Variants in IGF2BP2 observed in about 807,000 individuals in gnomAD.
IGF2BP2 encodes the protein insulin-like growth factor 2 mRNA-binding protein 2.
In IGF2BP2, 17 loss-of-function variants were observed where a neutral mutation model predicts 75.8. The observed-to-expected ratio is 0.22, with a 90% CI of 0.15 to 0.34. The LOEUF is 0.34. Ranked by LOEUF, IGF2BP2 falls within the 10% of genes least tolerant of loss-of-function variation. The pLI, the probability that IGF2BP2 is intolerant of heterozygous loss-of-function variation, is 1.00. For missense variants in IGF2BP2, 516 were observed against 772.4 expected (o/e 0.67, Z 3.93); for synonymous variants, 288 against 295.6 (o/e 0.97, Z 0.26).
chr3:185,711,281 T>C lies in IGF2BP2; in HGVS notation c.240-12934A>G, dbSNP rs1201269549. Among the ~76,000 whole-genome samples the C allele has an allele frequency of 2.6e-5, 4 of 152,220 alleles. No homozygotes were observed. In the South Asian group the frequency reaches 6.2e-4, roughly 24 times the overall value. Reference sequence around the variant, plus strand: ...ATAGAAATCCAAGATTTCTGACCTGTATCTTTCCTGAACTATGCAAATCCT... The same window carrying C: ...ATAGAAATCCAAGATTTCTGACCTGCATCTTTCCTGAACTATGCAAATCCT... On this transcript the variant is annotated intron_variant, in intron 2 of 15. Coordinates refer to ENST00000382199, the MANE Select transcript of IGF2BP2 (RefSeq NM_006548.6).
At chr3:185,664,776 A>C (rs1717020975) in intron 10 of IGF2BP2, among the ~76,000 whole-genome samples, 1 of 152,080 alleles carries the variant, frequency 6.6e-6, no homozygotes, top group African/African-American at 2.4e-5. Flanking sequence ...GACAGACACA[A>C]AGAGTAGAGT....
rs114352678 is a variant in IGF2BP2, at chr3:185,779,519, C to A, written c.239+43634G>T. On this transcript the variant is annotated intron_variant, in intron 2 of 15. Transcript: ENST00000382199. ...ATGAGTTAATACATGGGCACACACACCCATAAAATAACTTCCACACAATGC... is the reference window on the plus strand; with the variant it reads ...ATGAGTTAATACATGGGCACACACAACCATAAAATAACTTCCACACAATGC... Among the ~76,000 whole-genome samples the A allele has an allele frequency of 9.1e-3, 1,392 of 152,242 alleles. 10 individuals carry two copies. The highest frequency in any genetic ancestry group is 0.015 in the Non-Finnish European group (1,034 of 68,016).
intron 12 of IGF2BP2, among the ~76,000 whole-genome samples, chr3:185,657,055 G>C (rs1328140707): frequency 1.3e-5 from 2 of 152,200 alleles, no homozygotes; most frequent in East Asian, 3.8e-4. Context: ...AAAAGGACTG[G>C]GTTGGGTTGT....
chr3:185,738,579 C>T (rs1326646883), intron 2 of IGF2BP2, among the ~76,000 whole-genome samples: 16 of 152,156 alleles, frequency 1.1e-4, no homozygotes, highest in Admixed American at 9.8e-4. Flanking sequence ...TTGGTCTTTG[C>T]AGCCACTACC....
At chr3:185,759,937 T>C (rs1732132237) in intron 2 of IGF2BP2, among the ~76,000 whole-genome samples, 1 of 152,212 alleles carries the variant, frequency 6.6e-6, no homozygotes, top group Non-Finnish European at 1.5e-5. Context: ...ACAAATTTTG[T>C]TTCATCTATA....
At chr3:185,678,743 T>C (rs1442040619) in intron 7 of IGF2BP2, among the ~76,000 whole-genome samples, 1 of 152,228 alleles carries the variant, frequency 6.6e-6, no homozygotes, top group Non-Finnish European at 1.5e-5. Context: ...CCTACTGTTA[T>C]CATGTTGCTA....
chr3:185,820,227 TATACACATACACACACACAC>T (rs1438860882), intron 2 of IGF2BP2, among the ~76,000 whole-genome samples: 16 of 91,690 alleles, frequency 1.7e-4, no homozygotes, highest in South Asian at 1.6e-3. Flanking sequence ...TATGTGTATA[TATACACATACACACACACAC>T]ACACACACAC....
intron 5 of IGF2BP2, among the ~76,000 whole-genome samples, chr3:185,691,557 T>C (rs768223369): frequency 1.1e-4 from 16 of 152,136 alleles, no homozygotes; most frequent in Non-Finnish European, 2.1e-4. Context: ...TGACCATAAT[T>C]CTAGTTATAA....
intron 2 of IGF2BP2, among the ~76,000 whole-genome samples, chr3:185,768,472 G>A (rs1168536663): frequency 6.6e-6 from 1 of 152,136 alleles, no homozygotes; most frequent in Non-Finnish European, 1.5e-5. Flanking sequence ...AGAACTGCAT[G>A]TTAACCCTTT....
intron 2 of IGF2BP2, chr3:185,724,922 A>T (rs1300949073): frequency 6.6e-6 from 1 of 152,204 alleles, no homozygotes; most frequent in Non-Finnish European, 1.5e-5. Flanking sequence ...ACCAGATCAT[A>T]GCATGCCTTT....
intron 11 of IGF2BP2, among the ~76,000 whole-genome samples, chr3:185,658,128 G>A (rs1289394436): frequency 6.6e-6 from 1 of 152,224 alleles, no homozygotes; most frequent in Non-Finnish European, 1.5e-5. Context: ...ATCCACAGGT[G>A]CAACAGCAAC....
intron 2 of IGF2BP2, among the ~76,000 whole-genome samples, chr3:185,820,229 T>TACACACACACACAC (rs1280743933): frequency 1.5e-5 from 2 of 133,818 alleles, no homozygotes; most frequent in African/African-American, 5.6e-5. Flanking sequence ...TGTGTATATA[T>TACACACACACACAC]ACACATACAC....
intron 2 of IGF2BP2, chr3:185,712,445 T>C (rs1419518916): frequency 6.6e-6 from 1 of 152,202 alleles, no homozygotes; most frequent in Non-Finnish European, 1.5e-5. Context: ...AACATTTTAT[T>C]GTTACCAAAG....
At chr3:185,654,424 G>A (rs1048766514) in intron 12 of IGF2BP2, among the ~76,000 whole-genome samples, 9 of 152,236 alleles carry the variant, frequency 5.9e-5, no homozygotes, top group African/African-American at 1.9e-4. Context: ...GATCATGGCT[G>A]TGTGGTTCCC....
chr3:185,812,819 C>T (rs1387273252), intron 2 of IGF2BP2, among the ~76,000 whole-genome samples: 2 of 152,122 alleles, frequency 1.3e-5, no homozygotes, highest in Non-Finnish European at 2.9e-5. Context: ...CCTTGGAATC[C>T]TAAGGCTCTA....
intron 2 of IGF2BP2, among the ~76,000 whole-genome samples, chr3:185,776,498 G>A (rs1187941296): frequency 6.6e-6 from 1 of 152,214 alleles, no homozygotes; most frequent in Non-Finnish European, 1.5e-5. Context: ...AGGCAGAGAG[G>A]ATCTGGGGGA....
At chr3:185,692,476 G>A (rs1722072600) in intron 5 of IGF2BP2, among the ~76,000 whole-genome samples, 1 of 152,108 alleles carries the variant, frequency 6.6e-6, no homozygotes, top group African/African-American at 2.4e-5. Context: ...TGAATGTCCT[G>A]GAGCTCCACT....
At chr3:185,824,344 G>A (rs938007818) in intron 1 of IGF2BP2, among the ~76,000 whole-genome samples, 2 of 151,274 alleles carry the variant, frequency 1.3e-5, no homozygotes, top group Non-Finnish European at 3.0e-5. Context: ...AGAAGGTCCG[G>A]CCGGGGGAGG....
intron 2 of IGF2BP2, among the ~76,000 whole-genome samples, chr3:185,718,622 T>G (rs909957977): frequency 7.0e-6 from 1 of 143,738 alleles, no homozygotes; most frequent in African/African-American, 2.6e-5. Context: ...GAGGTGGAGG[T>G]TGTGGTGAGC....
Sources: gnomAD v4.1 joint callset for allele counts (sites outside exome capture counted in the v4.1 genomes callset) on GRCh38, gnomAD v4.1.1 for gene constraint, MANE v1.5 for transcripts, NCBI Gene and HGNC (gene_info 2026-07-23, HGNC 2026-07-21) for gene names.